ARHGAP21: variants seen among roughly 807,000 people sequenced by gnomAD.
ARHGAP21 encodes Rho GTPase activating protein 21.
Under a neutral mutation model 164.6 loss-of-function variants are expected in ARHGAP21, and 38 were observed. That is an observed-to-expected ratio of 0.23 (90% confidence interval 0.18 to 0.30). The LOEUF is 0.30. Ranked by LOEUF, ARHGAP21 falls within the 10% of genes least tolerant of loss-of-function variation. The pLI is 1.00. For missense variants in ARHGAP21, 1,822 were observed against 2,370.7 expected (o/e 0.77, Z 4.81); for synonymous variants, 766 against 857.9 (o/e 0.89, Z 1.87).
At chr10:24,630,085 A>G (rs1014971174) in intron 6 of ARHGAP21, 35 bp from the exon 7 acceptor site, 1 of 1,224,436 alleles carries the variant, frequency 8.2e-7, no homozygotes, top group South Asian at 1.6e-5. Flanking sequence ...TAGGAGAGGT[A>G]GAAGTGTATA....
intron 2 of ARHGAP21, among the ~76,000 whole-genome samples, chr10:24,686,649 C>T (rs1319389105): frequency 6.6e-6 from 1 of 151,978 alleles, no homozygotes; most frequent in African/African-American, 2.4e-5. Flanking sequence ...CACATACACA[C>T]TTTTTGGAAT....
rs750334535 is a variant in ARHGAP21 at position 24,585,861 on chromosome 10, T to G, written c.4428A>C (p.Glu1476Asp). 19 of 1,613,940 alleles carry G rather than the reference T, an allele frequency of 1.2e-5. No homozygotes were observed. The highest frequency in any genetic ancestry group is 1.6e-5 in the Non-Finnish European group (19 of 1,179,912). ...TGCTGGGGTCTTTCCTAGTGCTGTT[T>G]TCTTTGGCAATGATGATCTTCTGTT... ...GRKQKIIIAKENSTRKDPSTT... is the reference protein window; with the variant it reads ...GRKQKIIIAKDNSTRKDPSTT... Residue 1476 changes from glutamate (E) to aspartate (D), a missense_variant, in exon 26 of 26, where the codon GAA becomes GAC. By Grantham distance (45) the Glu-to-Asp change is conservative. This residue lies in a region of ARHGAP21 where 333 missense variants were observed against 383.9 expected (regional missense o/e 0.87). Coordinates refer to ENST00000396432, the MANE Select transcript of ARHGAP21 (RefSeq NM_020824.4).
At position 24,657,651 on chromosome 10, in the gene ARHGAP21, C is replaced by T. The variant is rs536693559; in HGVS notation, c.268+9334G>A. ...AAAGATTGAGAAACCGGATGGTTGCCGTGTCTGTGTAGAAAGAAGTAGACA... is the reference window on the plus strand; with the variant it reads ...AAAGATTGAGAAACCGGATGGTTGCTGTGTCTGTGTAGAAAGAAGTAGACA... On this transcript the variant is annotated intron_variant, in intron 4 of 25. Transcript: ENST00000396432. Among the ~76,000 whole-genome samples, 677 of 118,842 alleles carry T rather than the reference C, an allele frequency of 5.7e-3. 3 individuals are homozygous for T. The highest frequency in any genetic ancestry group is 9.3e-3 in the Non-Finnish European group (537 of 57,910). 78.0% of individuals were successfully genotyped at this position (118,842 alleles called of 152,430 possible).
chr10:24,603,777 C>T (rs532605256), intron 12 of ARHGAP21, among the ~76,000 whole-genome samples: 2 of 152,240 alleles, frequency 1.3e-5, no homozygotes, highest in Admixed American at 6.5e-5. Flanking sequence ...GCGGGCAGAT[C>T]ACCTGAGGTC....
chr10:24,620,926 T>G lies in ARHGAP21; in HGVS notation c.969A>C (p.Ser323=). ...GATGAATTAGATGAGTGGTGGGAAT[T>G]GATAATGGTGGTGATGTGGTTCTTG... is the stretch of plus-strand genomic sequence containing the variant. ...TVSRTTSPPL[S]IPTTHLIHQP... is the part of the protein sequence containing the mutation. Residue 323 remains serine (S), a synonymous_variant, in exon 9 of 26, where the codon TCA becomes TCC. Coordinates refer to ENST00000396432, the MANE Select transcript of ARHGAP21 (RefSeq NM_020824.4). 6.2e-7 allele frequency: 1 copy of G among 1,613,910 alleles called. No homozygotes were observed. The highest frequency in any genetic ancestry group is 8.5e-7 in the Non-Finnish European group (1 of 1,179,868).
intron 15 of ARHGAP21, 112 bp downstream of exon 15, chr10:24,597,833 A>G: frequency 8.3e-7 from 1 of 1,209,132 alleles, no homozygotes; most frequent in Non-Finnish European, 1.2e-6. Flanking sequence ...ATTTGGTACT[A>G]TCTGCGGTTT....
intron 2 of ARHGAP21, among the ~76,000 whole-genome samples, chr10:24,700,616 C>T (rs371506458): frequency 8.5e-5 from 13 of 152,052 alleles, no homozygotes; most frequent in African/African-American, 2.9e-4. Context: ...AGGATCTTAT[C>T]CAGTGGTTGC....
At chr10:24,674,058 G>C (rs1403002762) in intron 2 of ARHGAP21, among the ~76,000 whole-genome samples, 3 of 151,972 alleles carry the variant, frequency 2.0e-5, no homozygotes. Flanking sequence ...TTTTTAAAAA[G>C]ATAAATGAAA....
chr10:24,607,749 G>A lies in ARHGAP21; in HGVS notation c.2577C>T (p.Asp859=), dbSNP rs771381121. 5 of 1,613,920 alleles carry A rather than the reference G, an allele frequency of 3.1e-6. No homozygotes were observed. The highest frequency in any genetic ancestry group is 4.2e-6 in the Non-Finnish European group (5 of 1,179,926). ...APLIRRQLSH[D]HESVGPPSLD... Reference sequence around the variant, plus strand: ...AAAACCACCCTTTAGACGTACCGTGGTCATGTGAGAGCTGACGGCGAATTA... The same window carrying A: ...AAAACCACCCTTTAGACGTACCGTGATCATGTGAGAGCTGACGGCGAATTA... The change falls in exon 10 of 26, where the codon GAC becomes GAT. Residue 859 remains aspartate (D), a synonymous_variant. Transcript: ENST00000396432.
chr10:24,590,902 T>C, intron 24 of ARHGAP21: 1 of 984,144 alleles, frequency 1.0e-6, no homozygotes, highest in South Asian at 4.7e-5. Context: ...CATATATCTG[T>C]TTTACCTTGT....
intron 2 of ARHGAP21, among the ~76,000 whole-genome samples, chr10:24,721,583 C>G (rs1176793153): frequency 6.6e-6 from 1 of 152,232 alleles, no homozygotes; most frequent in Non-Finnish European, 1.5e-5. Flanking sequence ...ATTCCTGGCT[C>G]TGAGAAGGGG....
At chr10:24,609,718 C>A (rs1260274465) in intron 9 of ARHGAP21, among the ~76,000 whole-genome samples, 1 of 152,194 alleles carries the variant, frequency 6.6e-6, no homozygotes, top group Non-Finnish European at 1.5e-5. Context: ...CTCTACTTTT[C>A]ACATACACTT....
intron 7 of ARHGAP21, among the ~76,000 whole-genome samples, chr10:24,625,025 A>G (rs1364845119): frequency 8.6e-6 from 1 of 116,610 alleles, no homozygotes; most frequent in East Asian, 2.9e-4. Flanking sequence ...TGTTTTGCCT[A>G]TTAGATACAA....
chr10:24,607,809 T>A lies in ARHGAP21; in HGVS notation c.2517A>T (p.Ala839=). The change falls in exon 10 of 26, where the codon GCA becomes GCT. Residue 839 remains alanine, a synonymous_variant. Coordinates refer to ENST00000396432, the MANE Select transcript of ARHGAP21 (RefSeq NM_020824.4). ...AAGTTGTGAGGCAAGGAGGAACTGT[T>A]GCTATGGAGGGGACCTGAGAGGTAG... ...SASTSQVPSI[A]TVPPCLTTSA... is the part of the protein sequence containing the mutation. 2 of 1,614,062 alleles carry A rather than the reference T, an allele frequency of 1.2e-6. No individual in the cohort carries two copies. The highest frequency in any genetic ancestry group is 1.7e-6 in the Non-Finnish European group (2 of 1,180,010).
intron 2 of ARHGAP21, among the ~76,000 whole-genome samples, chr10:24,696,692 A>G (rs534288065): frequency 1.3e-5 from 2 of 152,364 alleles, no homozygotes; most frequent in Admixed American, 1.3e-4. Flanking sequence ...GATGGCCCAC[A>G]TTAAATGAAG....
rs183352630 is a variant in ARHGAP21 at position 24,664,830 on chromosome 10, T to C, written c.268+2155A>G. Among the ~76,000 whole-genome samples the C allele has an allele frequency of 9.9e-5, 15 of 152,268 alleles. No individual in the cohort carries two copies. The East Asian group carries it at 2.9e-3, about 29-fold the overall frequency. On this transcript the variant is annotated intron_variant, in intron 4 of 25. Coordinates refer to ENST00000396432, the MANE Select transcript of ARHGAP21 (RefSeq NM_020824.4). ...TCTATTATTCCTCTTCAAATCTCCT[T>C]CTGCTGAATCTATAATAGATCTTCT...
At chr10:24,713,223 G>A (rs193262505) in intron 2 of ARHGAP21, among the ~76,000 whole-genome samples, 2 of 152,154 alleles carry the variant, frequency 1.3e-5, no homozygotes, top group East Asian at 1.9e-4. Flanking sequence ...TAGGTTGTAC[G>A]AAGGGCAAAG....
intron 2 of ARHGAP21, among the ~76,000 whole-genome samples, chr10:24,685,360 T>C (rs897381756): frequency 6.6e-6 from 1 of 152,186 alleles, no homozygotes; most frequent in Non-Finnish European, 1.5e-5. Flanking sequence ...TATAGTGTCA[T>C]AAGCATTTGG....
chr10:24,656,358 A>G (rs1238021261), intron 4 of ARHGAP21, among the ~76,000 whole-genome samples: 42 of 48,158 alleles, frequency 8.7e-4, no homozygotes, highest in East Asian at 1.5e-3. Context: ...CAGCCCCCCC[A>G]CCCGGCCAGC....
Sources: gnomAD v4.1 joint callset for allele counts (sites outside exome capture counted in the v4.1 genomes callset) on GRCh38, gnomAD v4.1.1 for gene constraint, gnomAD v4.1.1 regional missense constraint, MANE v1.5 for transcripts, NCBI Gene and HGNC (gene_info 2026-07-23, HGNC 2026-07-21) for gene names.